The following SLC25A23 variants were observed in gnomAD, a reference collection of about 807,000 sequenced individuals.
SLC25A23 encodes the protein solute carrier family 25 member 23.
SLC25A23 carries 32 observed loss-of-function variants against 53.9 expected under a neutral mutation model. That is an observed-to-expected ratio of 0.59 (90% CI 0.45 to 0.80). The LOEUF is 0.80. Ranked by LOEUF, SLC25A23 falls within the 30% of genes least tolerant of loss-of-function variation. SLC25A23 has a pLI of 0.00. For missense variants in SLC25A23, 575 were observed against 651.4 expected (o/e 0.88, Z 1.28); for synonymous variants, 275 against 264.5 (o/e 1.04, Z -0.38).
At chr19:6,443,910 CAACGA>C (rs1276741400) in intron 9 of SLC25A23, among the ~76,000 whole-genome samples, 1 of 152,202 alleles carries the variant, frequency 6.6e-6, no homozygotes, top group Non-Finnish European at 1.5e-5. Flanking sequence ...CATTTGCCAG[CAACGA>C]CATCCCAGCT....
chr19:6,455,707 G>GTTTTTTTTTTTTTTTTTTTTTTTTTTTTT (rs529957147), intron 4 of SLC25A23, among the ~76,000 whole-genome samples: 1 of 124,968 alleles, frequency 8.0e-6, no homozygotes, highest in African/African-American at 3.1e-5. Context: ...TGAAGACCGT[G>GTTTTTTTTTTTTTTTTTTTTTTTTTTTTT]TTTTTTTTTT....
intron 8 of SLC25A23, among the ~76,000 whole-genome samples, chr19:6,447,084 C>A (rs934549822): frequency 1.3e-5 from 2 of 152,088 alleles, no homozygotes; most frequent in African/African-American, 4.8e-5. Flanking sequence ...TCTGCTGACA[C>A]CTTGATTTTG....
At chr19:6,452,762 C>T (rs912237408) in intron 7 of SLC25A23, among the ~76,000 whole-genome samples, 4 of 152,132 alleles carry the variant, frequency 2.6e-5, no homozygotes, top group African/African-American at 7.2e-5. Context: ...CTACTTTGCC[C>T]GTGCTGGTCT....
At chr19:6,457,415 G>C in intron 3 of SLC25A23, 88 bp downstream of exon 3, 1 of 1,210,846 alleles carries the variant, frequency 8.3e-7, no homozygotes, top group Non-Finnish European at 1.2e-6. Context: ...ATCCTCCTTG[G>C]GACTGGGTCT....
At chr19:6,457,030 C>T (rs979196296) in intron 3 of SLC25A23, among the ~76,000 whole-genome samples, 1 of 151,760 alleles carries the variant, frequency 6.6e-6, no homozygotes, top group African/African-American at 2.4e-5. Flanking sequence ...GCAACTGGTC[C>T]CAGATCTGTC....
intron 4 of SLC25A23, among the ~76,000 whole-genome samples, chr19:6,455,707 G>GTTTTTTT (rs529957147): frequency 6.4e-5 from 8 of 124,950 alleles, no homozygotes; most frequent in East Asian, 2.8e-4. Context: ...TGAAGACCGT[G>GTTTTTTT]TTTTTTTTTT....
At chr19:6,455,941 G>C (rs557563923) in intron 4 of SLC25A23, 51 of 1,064,054 alleles carry the variant, frequency 4.8e-5, no homozygotes, top group Non-Finnish European at 6.4e-5. Flanking sequence ...GGATGGTCGC[G>C]ATCGCCTGAC....
intron 8 of SLC25A23, among the ~76,000 whole-genome samples, chr19:6,446,538 G>A (rs2092507800): frequency 6.6e-6 from 1 of 152,158 alleles, no homozygotes; most frequent in Non-Finnish European, 1.5e-5. Context: ...AGCCGGCTCT[G>A]ACCACTTAGG....
chr19:6,453,682 A>C (rs1331091509), intron 7 of SLC25A23, among the ~76,000 whole-genome samples: 3 of 152,192 alleles, frequency 2.0e-5, no homozygotes. Flanking sequence ...GGTGACACCT[A>C]GACACGACGT....
At chr19:6,443,337 T>A (rs2092452079) in intron 9 of SLC25A23, among the ~76,000 whole-genome samples, 1 of 152,156 alleles carries the variant, frequency 6.6e-6, no homozygotes, top group South Asian at 2.1e-4. Flanking sequence ...TCCTCCGGCC[T>A]CAGCCTCCCA....
Position 6,441,898 on chromosome 19 carries a change from A to T in SLC25A23, c.*77T>A. ...GGGATCTCGTGGCCAAAGAGTAGGG[A>T]TCCTGTGGTTGGATCATCAGTCTCC... On this transcript the variant is annotated 3_prime_UTR_variant, in exon 10 of 10. Coordinates refer to ENST00000301454, the MANE Select transcript of SLC25A23 (RefSeq NM_024103.3). The T allele has an allele frequency of 7.1e-7, 1 of 1,399,044 alleles. No homozygotes were observed. Among genetic ancestry groups the T allele is most frequent in the Non-Finnish European group, 1.0e-6 (1 of 1,003,150 alleles). 86.7% of individuals were successfully genotyped at this position (1,399,044 alleles called of 1,614,324 possible). A position where few individuals can be genotyped will look rare whatever the true frequency, so the allele number is the denominator to read the frequency against.
chr19:6,437,636 C>T (rs1212208959), downstream of SLC25A23, among the ~76,000 whole-genome samples: 10 of 151,972 alleles, frequency 6.6e-5, no homozygotes, highest in South Asian at 6.2e-4. Context: ...GGTGAAACCC[C>T]GTCTCTACTA....
intron 8 of SLC25A23, among the ~76,000 whole-genome samples, chr19:6,449,481 C>T (rs1321446270): frequency 6.6e-6 from 1 of 151,582 alleles, no homozygotes; most frequent in Non-Finnish European, 1.5e-5. Flanking sequence ...GTGGCACGAT[C>T]TCAGCTCACT....
chr19:6,454,801 TGAA>T lies in SLC25A23; in HGVS notation c.484-87_484-85del. 6.6e-7 allele frequency: 1 copy of T among 1,505,268 alleles called. No homozygotes were observed. The highest frequency in any genetic ancestry group is 2.1e-4 in the Middle Eastern group (1 of 4,718). 93.2% of individuals were successfully genotyped at this position (1,505,268 alleles called of 1,614,324 possible). The stretch of plus-strand genomic sequence containing the variant: ...GTCCTAAATAGGGGAGTCTCCTCTA[TGAA>T]TCCTAGGATACCCTAGAGTCTGCCA... On this transcript the variant is annotated intron_variant, in intron 4 of 9. Coordinates refer to ENST00000301454, the MANE Select transcript of SLC25A23 (RefSeq NM_024103.3). This position sits in a 1 kb window ranked among gnomAD's most constrained non-coding sequence, Gnocchi z 4.3.
rs756892783 is a variant in SLC25A23 at position 6,454,682 on chromosome 19, G to A, written c.519C>T (p.Asp173=). ...TCAGCTTCTCTTGCTTTGAGAACTC[G>A]TCCGGCACTGTCAGGCACTCGCCAA... ...LDIGECLTVP[D]EFSKQEKLTG... Residue 173 remains aspartate (D), a synonymous_variant, in exon 5 of 10, where the codon GAC becomes GAT. Coordinates refer to ENST00000301454, the MANE Select transcript of SLC25A23 (RefSeq NM_024103.3). The surrounding 1 kb of genome is among the most constrained non-coding windows in gnomAD (Gnocchi z 4.3). The A allele has an allele frequency of 2.5e-5, 41 of 1,613,912 alleles. No individual in the cohort carries two copies. In the African/African-American group the frequency reaches 3.2e-4, roughly 13 times the overall value.
At chr19:6,437,763 C>T (rs184133235), downstream of SLC25A23, among the ~76,000 whole-genome samples, 443 of 147,178 alleles carry the variant, frequency 3.0e-3, 2 homozygotes, top group African/African-American at 0.011. Flanking sequence ...GAGCCAAGAT[C>T]GCGCCAGTGC....
intron 8 of SLC25A23, among the ~76,000 whole-genome samples, chr19:6,451,650 T>C (rs758154222): frequency 7.2e-5 from 11 of 152,240 alleles, no homozygotes; most frequent in Non-Finnish European, 1.2e-4. Flanking sequence ...AGCCAAGAAC[T>C]GTCTGCACCT....
intron 3 of SLC25A23, among the ~76,000 whole-genome samples, chr19:6,456,953 C>T (rs1313762126): frequency 6.6e-6 from 1 of 152,098 alleles, no homozygotes; most frequent in Non-Finnish European, 1.5e-5. Context: ...GGCAGGATTG[C>T]AGGCGTGAGC....
chr19:6,438,384 G>A (rs560205370), downstream of SLC25A23: 1 of 152,402 alleles, frequency 6.6e-6, no homozygotes, highest in Non-Finnish European at 1.5e-5. Flanking sequence ...ATGAAGATAG[G>A]CAGGCAGTGG....
Sources: allele counts gnomAD v4.1 joint callset (sites outside exome capture counted in the v4.1 genomes callset), GRCh38; gene constraint gnomAD v4.1.1; non-coding constraint Gnocchi (gnomAD v3.1); transcripts MANE v1.5; gene names NCBI Gene and HGNC (gene_info 2026-07-23, HGNC 2026-07-21).